The following SH3RF2 variants were observed in gnomAD, a reference collection of about 807,000 sequenced individuals.
SH3RF2 encodes SH3 domain containing ring finger 2, also known as E3 ubiquitin-protein ligase SH3RF2.
Under a neutral mutation model 59.0 loss-of-function variants are expected in SH3RF2, and 43 were observed. That is an observed-to-expected ratio of 0.73 (90% CI 0.57 to 0.94). The LOEUF is 0.94. SH3RF2 is among the 40% of genes least tolerant of loss of function. The pLI is 0.00. For synonymous variants in SH3RF2, 391 were observed against 391.5 expected, an observed-to-expected ratio of 1.00 and a Z score of 0.01; for missense variants, 930 against 940.1, an observed-to-expected ratio of 0.99 and a Z score of 0.14.
intron 5 of SH3RF2, among the ~76,000 whole-genome samples, chr5:146,033,936 A>G (rs1761835532): frequency 6.6e-6 from 1 of 152,236 alleles, no homozygotes; most frequent in African/African-American, 2.4e-5. Flanking sequence ...AGAAGAGACA[A>G]TTGGAAGGAT....
At chr5:145,969,731 T>C (rs963827245) in intron 2 of SH3RF2, among the ~76,000 whole-genome samples, 2 of 151,570 alleles carry the variant, frequency 1.3e-5, no homozygotes, top group African/African-American at 2.4e-5. Context: ...CGAGACACTC[T>C]TTCTAAAAAA....
chr5:146,048,108 T>C (rs928846869), intron 6 of SH3RF2, among the ~76,000 whole-genome samples: 1 of 151,902 alleles, frequency 6.6e-6, no homozygotes, highest in African/African-American at 2.4e-5. Context: ...AACCCAGGAG[T>C]TCCAAACCTG....
At chr5:146,044,959 C>T (rs1165617170) in intron 5 of SH3RF2, among the ~76,000 whole-genome samples, 1 of 152,220 alleles carries the variant, frequency 6.6e-6, no homozygotes, top group South Asian at 2.1e-4. Flanking sequence ...AGTAAAAAGA[C>T]AGACCCTAGT....
At chr5:146,075,613 C>T (rs987903453) in intron 9 of SH3RF2, among the ~76,000 whole-genome samples, 1 of 151,852 alleles carries the variant, frequency 6.6e-6, no homozygotes. Flanking sequence ...GAGTTTGAGA[C>T]CAGCCTGGCC....
chr5:146,051,992 A>T (rs909060852), intron 7 of SH3RF2, among the ~76,000 whole-genome samples: 1 of 152,092 alleles, frequency 6.6e-6, no homozygotes, highest in Non-Finnish European at 1.5e-5. Flanking sequence ...AGTATTGAGG[A>T]GTGTGGGAAA....
At chr5:145,957,930 T>C (rs1758480487) in intron 2 of SH3RF2, among the ~76,000 whole-genome samples, 1 of 152,030 alleles carries the variant, frequency 6.6e-6, no homozygotes, top group Admixed American at 6.6e-5. Context: ...CTGGCCAACA[T>C]GGTGAAACCC....
At chr5:145,989,373 A>T (rs1235378376) in intron 2 of SH3RF2, among the ~76,000 whole-genome samples, 2 of 152,246 alleles carry the variant, frequency 1.3e-5, no homozygotes, top group East Asian at 1.9e-4. Flanking sequence ...TTAACCTTGC[A>T]TGCATTCTAT....
Position 145,937,862 on chromosome 5 carries a change from C to A in SH3RF2, c.-67C>A. The A allele has an allele frequency of 1.3e-6, 2 of 1,538,906 alleles. No individual in the cohort carries two copies. Among genetic ancestry groups the A allele is most frequent in the South Asian group, 2.5e-5 (2 of 79,164 alleles). ...GTTCTCAAGAGACCAGCTCTGCCCC[C>A]GTGGCTCAACTGACCCTACCATGTG... On this transcript the variant is annotated 5_prime_UTR_variant, in exon 2 of 10. Transcript: ENST00000359120.
chr5:146,023,489 G>A (rs1300999399), intron 5 of SH3RF2, among the ~76,000 whole-genome samples: 1 of 152,202 alleles, frequency 6.6e-6, no homozygotes, highest in Non-Finnish European at 1.5e-5. Flanking sequence ...GATTACAGGT[G>A]TGAGCCACTG....
intron 4 of SH3RF2, among the ~76,000 whole-genome samples, chr5:146,012,732 G>A (rs1384344581): frequency 1.3e-5 from 2 of 152,242 alleles, no homozygotes; most frequent in South Asian, 2.1e-4. Flanking sequence ...GATTTCCAAA[G>A]GAAATGAACC....
At chr5:146,074,043 T>C (rs1763292192) in intron 9 of SH3RF2, among the ~76,000 whole-genome samples, 1 of 143,746 alleles carries the variant, frequency 7.0e-6, no homozygotes, top group South Asian at 2.2e-4. Context: ...ACTCTTTTTT[T>C]TTTTTTTTTT....
intron 2 of SH3RF2, among the ~76,000 whole-genome samples, chr5:145,954,910 G>A (rs942002280): frequency 4.6e-5 from 7 of 151,936 alleles, no homozygotes; most frequent in Admixed American, 3.9e-4. Context: ...GGAGAGGGTC[G>A]GGGAGTTGCC....
chr5:146,026,377 A>G (rs1761530561), intron 5 of SH3RF2, among the ~76,000 whole-genome samples: 1 of 152,142 alleles, frequency 6.6e-6, no homozygotes, highest in Admixed American at 6.5e-5. Flanking sequence ...TAGCACTCCC[A>G]CAGTTAACTG....
Position 146,004,978 on chromosome 5 carries a change from A to G in SH3RF2, c.744+825A>G, listed in dbSNP as rs560231419. On this transcript the variant is annotated intron_variant, in intron 4 of 9. Transcript: ENST00000359120. ...TGGACCATGTGGAACTAGCTTTATAAATATATATGTGTTTATATAAATGGA... is the reference window on the plus strand; with the variant it reads ...TGGACCATGTGGAACTAGCTTTATAGATATATATGTGTTTATATAAATGGA... Among the ~76,000 whole-genome samples, 173 of 152,250 alleles carry G rather than the reference A, an allele frequency of 1.1e-3. 1 individual carries two copies. Among genetic ancestry groups the G allele is most frequent in the Non-Finnish European group, 1.7e-3 (113 of 68,012 alleles).
At chr5:146,064,776 AAAGGAAGGAAGG>A (rs1308778177), downstream of SH3RF2, among the ~76,000 whole-genome samples, 1 of 24,814 alleles carries the variant, frequency 4.0e-5, no homozygotes, top group Non-Finnish European at 8.6e-5. Flanking sequence ...GGAAGGAAGG[AAAGGAAGGAAGG>A]AAGGAAGGAA....
At chr5:145,999,336 C>T (rs1760299996) in intron 2 of SH3RF2, among the ~76,000 whole-genome samples, 1 of 152,162 alleles carries the variant, frequency 6.6e-6, no homozygotes, top group Non-Finnish European at 1.5e-5. Context: ...TCCATATCGG[C>T]AATAAGGCTG....
intron 5 of SH3RF2, among the ~76,000 whole-genome samples, chr5:146,020,671 A>G (rs773159418): frequency 2.0e-5 from 3 of 152,180 alleles, no homozygotes; most frequent in Non-Finnish European, 4.4e-5. Context: ...AATACCACAT[A>G]TATATCTTAC....
intron 5 of SH3RF2, among the ~76,000 whole-genome samples, chr5:146,030,869 C>G (rs1761719035): frequency 1.3e-5 from 2 of 152,140 alleles, no homozygotes; most frequent in Admixed American, 1.3e-4. Flanking sequence ...CTCAGCCAGG[C>G]TCACTCTTTA....
intron 5 of SH3RF2, among the ~76,000 whole-genome samples, chr5:146,026,190 G>A (rs1353012581): frequency 6.6e-6 from 1 of 152,144 alleles, no homozygotes; most frequent in Non-Finnish European, 1.5e-5. Flanking sequence ...TTCCTTAACA[G>A]ACTCAAGGTC....
Sources: allele counts gnomAD v4.1 joint callset (sites outside exome capture counted in the v4.1 genomes callset), GRCh38; gene constraint gnomAD v4.1.1; transcripts MANE v1.5; gene names NCBI Gene and HGNC (gene_info 2026-07-23, HGNC 2026-07-21).